Variants in ADCY3 observed in about 807,000 individuals in gnomAD.
ADCY3 encodes adenylate cyclase type 3.
A neutral mutation model predicts 119.4 loss-of-function variants in ADCY3; 70 were observed. That is an observed-to-expected ratio of 0.59 (90% confidence interval 0.48 to 0.72). The LOEUF (loss-of-function observed/expected upper bound fraction) is 0.72. Ranked by LOEUF, ADCY3 falls within the 30% of genes least tolerant of loss-of-function variation. The pLI is 0.00. For missense variants in ADCY3, 1,238 were observed against 1,541.6 expected, an observed-to-expected ratio of 0.80 and a Z score of 3.30; for synonymous variants, 672 against 621.4, an observed-to-expected ratio of 1.08 and a Z score of -1.21.
intron 21 of ADCY3, 156 bp from the exon 22 acceptor site, chr2:24,820,270 G>T: frequency 8.3e-7 from 1 of 1,210,148 alleles, no homozygotes; most frequent in Non-Finnish European, 1.1e-6. Context: ...CCTTCCACCC[G>T]TGGCGAGCAG....
At chr2:24,836,349 C>T (rs748903270) in intron 9 of ADCY3, among the ~76,000 whole-genome samples, 12 of 152,264 alleles carry the variant, frequency 7.9e-5, no homozygotes, top group Non-Finnish European at 1.3e-4. Flanking sequence ...CCCCCTCACG[C>T]GGTGAGCCCG....
intron 2 of ADCY3, among the ~76,000 whole-genome samples, chr2:24,879,195 G>A (rs936454190): frequency 1.9e-4 from 29 of 152,098 alleles, no homozygotes; most frequent in African/African-American, 6.5e-4. Context: ...AGACTGGGCC[G>A]GGCGCGGTGG....
chr2:24,853,940 G>T (rs1489618116), intron 3 of ADCY3, among the ~76,000 whole-genome samples: 1 of 152,176 alleles, frequency 6.6e-6, no homozygotes, highest in South Asian at 2.1e-4. Flanking sequence ...ACAATAATCA[G>T]TACACAATTG....
chr2:24,889,697 G>A (rs112747890), intron 2 of ADCY3, among the ~76,000 whole-genome samples: 4,493 of 152,220 alleles, frequency 0.03, 195 homozygotes, highest in African/African-American at 0.099. Context: ...TTGGCCAGGC[G>A]TGATGGCACA....
At chr2:24,848,606 T>C (rs543542795) in intron 3 of ADCY3, among the ~76,000 whole-genome samples, 42 of 152,274 alleles carry the variant, frequency 2.8e-4, no homozygotes, top group African/African-American at 9.6e-4. Context: ...TGTGCCTTGG[T>C]TTCCTAGGCA....
At position 24,819,922 on chromosome 2, in the gene ADCY3, T is replaced by G. The variant is rs768519996; in HGVS notation, c.*10A>C. On this transcript the variant is annotated 3_prime_UTR_variant, in exon 22 of 22. Transcript: ENST00000679454. The stretch of plus-strand genomic sequence containing the variant: ...CCTTCCGGTTTGGACTGTTGCAGGC[T>G]CGAGGCCATTCAGGAGTTGTCCACC... The G allele has an allele frequency of 9.9e-6, 16 of 1,612,880 alleles. No homozygotes were observed. The highest frequency in any genetic ancestry group is 1.4e-5 in the Non-Finnish European group (16 of 1,179,638).
chr2:24,832,262 A>G (rs1042181824), intron 11 of ADCY3: 79 of 164,020 alleles, frequency 4.8e-4, no homozygotes, highest in Non-Finnish European at 7.4e-4. Flanking sequence ...GCTGCCTGGG[A>G]CATTTCCCAG....
intron 2 of ADCY3, among the ~76,000 whole-genome samples, chr2:24,887,189 C>A (rs145376838): frequency 1.3e-5 from 2 of 152,060 alleles, no homozygotes; most frequent in African/African-American, 2.4e-5. Flanking sequence ...ACGTGCCGAG[C>A]GAAAGGGGAA....
intron 2 of ADCY3, among the ~76,000 whole-genome samples, chr2:24,884,159 T>C (rs1378838896): frequency 6.6e-6 from 1 of 152,122 alleles, no homozygotes; most frequent in African/African-American, 2.4e-5. Context: ...GCGTTGTTCC[T>C]GAGTTGCTGT....
At chr2:24,891,110 G>A (rs1323872559) in intron 2 of ADCY3, among the ~76,000 whole-genome samples, 1 of 151,952 alleles carries the variant, frequency 6.6e-6, no homozygotes, top group Non-Finnish European at 1.5e-5. Flanking sequence ...CCTCAAGGAT[G>A]CACCTGCCTT....
chr2:24,871,002 C>T (rs189026396), intron 3 of ADCY3, among the ~76,000 whole-genome samples: 25 of 152,222 alleles, frequency 1.6e-4, no homozygotes, highest in Admixed American at 3.9e-4. Context: ...CTCCACAAGA[C>T]GGTTCAGTGT....
chr2:24,885,318 G>A (rs1676903312), intron 2 of ADCY3, among the ~76,000 whole-genome samples: 1 of 152,204 alleles, frequency 6.6e-6, no homozygotes, highest in Non-Finnish European at 1.5e-5. Context: ...AAAGTTTCCA[G>A]GAGACCTTAT....
intron 6 of ADCY3, among the ~76,000 whole-genome samples, chr2:24,840,931 TGG>T (rs1670923477): frequency 6.6e-6 from 1 of 152,064 alleles, no homozygotes; most frequent in South Asian, 2.1e-4. Flanking sequence ...GGAGCCCCTG[TGG>T]GGGTCCCAGC....
chr2:24,894,106 T>TA (rs1214485607), intron 2 of ADCY3, among the ~76,000 whole-genome samples: 1 of 152,230 alleles, frequency 6.6e-6, no homozygotes, highest in Non-Finnish European at 1.5e-5. Flanking sequence ...ATCTCTTTGT[T>TA]ACGCTTTTTC....
Position 24,872,804 on chromosome 2 carries a change from G to T in ADCY3, c.676-85C>A. On this transcript the variant is annotated intron_variant, in intron 2 of 21. Coordinates refer to ENST00000679454, the MANE Select transcript of ADCY3 (RefSeq NM_004036.5). The surrounding 1 kb of genome is among the most constrained non-coding windows in gnomAD (Gnocchi z 4.4). ...GGATGGAGAAGGGGATGGAGGAGGT[G>T]GGGTGGGTGGTGACCAAAATCAAAC... 1.3e-6 allele frequency: 2 copies of T among 1,513,652 alleles called. No homozygotes were observed. Among genetic ancestry groups the T allele is most frequent in the South Asian group, 1.2e-5 (1 of 80,170 alleles). The allele number at this position is 1,513,652 out of a possible 1,614,324, so 93.8% of individuals were successfully genotyped here.
Position 24,834,121 on chromosome 2 carries a change from C to A in ADCY3, c.1967+364G>T, listed in dbSNP as rs1229986001. On this transcript the variant is annotated intron_variant, in intron 11 of 21. Coordinates refer to ENST00000679454, the MANE Select transcript of ADCY3 (RefSeq NM_004036.5). This position sits in a 1 kb window ranked among gnomAD's most constrained non-coding sequence, Gnocchi z 4.2. ...TTACCAAGATGAGCCAAGAGAGGGG[C>A]CAGGTCAGCCTTGGTGACTGAGACT... is the stretch of plus-strand genomic sequence containing the variant. Among the ~76,000 whole-genome samples, 3 of 152,192 alleles carry A rather than the reference C, an allele frequency of 2.0e-5. No homozygotes were observed. Among genetic ancestry groups the A allele is most frequent in the Non-Finnish European group, 2.9e-5 (2 of 68,014 alleles).
At chr2:24,852,325 G>A (rs1672404890) in intron 3 of ADCY3, among the ~76,000 whole-genome samples, 1 of 152,216 alleles carries the variant, frequency 6.6e-6, no homozygotes, top group Non-Finnish European at 1.5e-5. Context: ...CCATTGCCAG[G>A]CACCAGGCAG....
intron 19 of ADCY3, chr2:24,821,892 G>A (rs1477670562): frequency 3.1e-5 from 14 of 452,890 alleles, no homozygotes; most frequent in Non-Finnish European, 5.1e-5. Flanking sequence ...ACCACGAGGC[G>A]GACCCCTTCA....
chr2:24,823,115 A>G (rs1250352909), intron 18 of ADCY3, 94 bp downstream of exon 18: 2 of 1,446,818 alleles, frequency 1.4e-6, no homozygotes, highest in African/African-American at 2.8e-5. Flanking sequence ...TGGGAAAATG[A>G]AGCCAGTTTC....
Sources: gnomAD v4.1 joint callset for allele counts (sites outside exome capture counted in the v4.1 genomes callset) on GRCh38, gnomAD v4.1.1 for gene constraint, Gnocchi (gnomAD v3.1) non-coding constraint, MANE v1.5 for transcripts, NCBI Gene and HGNC (gene_info 2026-07-23, HGNC 2026-07-21) for gene names.